OR1B1: variants seen among roughly 807,000 people sequenced by gnomAD.
The protein encoded by OR1B1 is olfactory receptor family 1 subfamily B member 1.
For synonymous variants in OR1B1, 168 were observed against 156.2 expected (o/e 1.08, Z -0.57); for missense variants, 414 against 402.1 (o/e 1.03, Z -0.25).
the OR1B1 span, among the ~76,000 whole-genome samples, chr9:122,645,208 G>A: frequency 6.6e-6 from 1 of 152,044 alleles, no homozygotes; most frequent in Non-Finnish European, 1.5e-5. Flanking sequence ...GAACTGGTGA[G>A]CTTGAAGATA....
the OR1B1 span, among the ~76,000 whole-genome samples, chr9:122,656,301 T>C: frequency 6.6e-6 from 1 of 152,212 alleles, no homozygotes; most frequent in Admixed American, 6.5e-5. Context: ...CTCATTATTA[T>C]CTGCTATGGT....
the OR1B1 span, among the ~76,000 whole-genome samples, chr9:122,646,809 C>G: frequency 6.6e-6 from 1 of 152,092 alleles, no homozygotes; most frequent in African/African-American, 2.4e-5. Context: ...GTGTAAACTT[C>G]TCCTAAGTAG....
chr9:122,628,623 C>T (rs1481833480), exon 1 of OR1B1: 2 of 1,613,784 alleles, frequency 1.2e-6, no homozygotes, highest in East Asian at 4.5e-5. Flanking sequence ...CAGAGTGCAC[C>T]CTTGACATCC....
chr9:122,635,203 CTCTTTT>C, the OR1B1 span, among the ~76,000 whole-genome samples: 1 of 152,114 alleles, frequency 6.6e-6, no homozygotes, highest in Non-Finnish European at 1.5e-5. Flanking sequence ...AGAGGTTCTG[CTCTTTT>C]TTGTGATAAC....
At chr9:122,640,189 C>T in the OR1B1 span, among the ~76,000 whole-genome samples, 2 of 152,118 alleles carry the variant, frequency 1.3e-5, no homozygotes, top group Non-Finnish European at 2.9e-5. Context: ...CTATCCCCCA[C>T]CTTCTAGATA....
chr9:122,636,074 A>G, the OR1B1 span, among the ~76,000 whole-genome samples: 1 of 152,156 alleles, frequency 6.6e-6, no homozygotes, highest in Non-Finnish European at 1.5e-5. Flanking sequence ...TTAGGGCCCA[A>G]ACTTAGGACC....
chr9:122,628,705 G>A, exon 1 of OR1B1: 1 of 1,613,648 alleles, frequency 6.2e-7, no homozygotes. Context: ...AAGCCACCAT[G>A]TCCTGATACT....
At chr9:122,629,645 G>A (rs937853556), upstream of OR1B1, 8 of 690,016 alleles carry the variant, frequency 1.2e-5, no homozygotes, top group African/African-American at 3.5e-5. Context: ...ACTAAAGATC[G>A]TTAAAGACCT....
At chr9:122,644,940 T>G in the OR1B1 span, among the ~76,000 whole-genome samples, 1 of 151,968 alleles carries the variant, frequency 6.6e-6, no homozygotes, top group Non-Finnish European at 1.5e-5. Context: ...ACCACATAAA[T>G]AAGGCACCAG....
At chr9:122,632,430 C>G, upstream of OR1B1, among the ~76,000 whole-genome samples, 1 of 152,110 alleles carries the variant, frequency 6.6e-6, no homozygotes, top group East Asian at 1.9e-4. Flanking sequence ...AAATTTTTCT[C>G]TATTTCCATA....
chr9:122,634,335 C>CAAAAAAAAAAAAAAAA (rs754164135), upstream of OR1B1, among the ~76,000 whole-genome samples: 1 of 86,820 alleles, frequency 1.2e-5, no homozygotes. Context: ...AACTCCATCT[C>CAAAAAAAAAAAAAAAA]AAAAAAAAAA....
In OR1B1 at chr9:122,629,505, AGTG is replaced by A. The variant is rs769918926; in HGVS notation, c.28_30del (p.His10del). ...AACCCAAGGAGCAAAAAAACCGGAG[AGTG>A]TGAAGCATTAGGGGCAAAGCTCATC... On this transcript the variant is annotated inframe_deletion, in exon 1 of 1. Transcript: ENST00000623530. 8 of 1,610,714 alleles carry A rather than the reference AGTG, an allele frequency of 5.0e-6. No individual in the cohort carries two copies. The East Asian group carries it at 1.8e-4, about 36-fold the overall frequency.
At chr9:122,628,729 G>A in exon 1 of OR1B1, 2 of 1,614,058 alleles carry the variant, frequency 1.2e-6, no homozygotes, top group South Asian at 2.2e-5. Context: ...AGTTCTGGAA[G>A]GGAGGCTGGA....
chr9:122,632,396 G>C (rs1401689762), upstream of OR1B1, among the ~76,000 whole-genome samples: 1 of 152,160 alleles, frequency 6.6e-6, no homozygotes, highest in African/African-American at 2.4e-5. Flanking sequence ...GACAGTGGCT[G>C]AAGAGAGAAG....
At chr9:122,638,532 G>A in the OR1B1 span, among the ~76,000 whole-genome samples, 7 of 152,218 alleles carry the variant, frequency 4.6e-5, no homozygotes, top group African/African-American at 1.7e-4. Context: ...TTCAGCACCA[G>A]GATACTCAAG....
chr9:122,647,899 C>T, the OR1B1 span, among the ~76,000 whole-genome samples: 2 of 152,098 alleles, frequency 1.3e-5, no homozygotes, highest in Non-Finnish European at 2.9e-5. Flanking sequence ...ATGAAATGCT[C>T]GATTTTTCCT....
chr9:122,642,278 A>G, the OR1B1 span, among the ~76,000 whole-genome samples: 1 of 152,182 alleles, frequency 6.6e-6, no homozygotes, highest in Non-Finnish European at 1.5e-5. Context: ...TGATAGAGAA[A>G]GACAATAATT....
chr9:122,632,078 G>A (rs1174530445), upstream of OR1B1, among the ~76,000 whole-genome samples: 1 of 151,982 alleles, frequency 6.6e-6, no homozygotes, highest in African/African-American at 2.4e-5. Flanking sequence ...CTCTAGACAG[G>A]AATCCCACAA....
At chr9:122,647,702 C>T in the OR1B1 span, among the ~76,000 whole-genome samples, 68 of 152,158 alleles carry the variant, frequency 4.5e-4, no homozygotes, top group African/African-American at 1.4e-3. Context: ...GCTGTTGCTA[C>T]GATGCACTGT....
Sources: gnomAD v4.1 joint callset for allele counts (sites outside exome capture counted in the v4.1 genomes callset) on GRCh38, gnomAD v4.1.1 for gene constraint, MANE v1.5 for transcripts, NCBI Gene and HGNC (gene_info 2026-07-23, HGNC 2026-07-21) for gene names.